Variants in NPAS3 observed in about 807,000 individuals in gnomAD.
The protein encoded by NPAS3 is neuronal PAS domain protein 3, also known as neuronal PAS domain-containing protein 3.
In NPAS3, 14 loss-of-function variants were observed where a neutral mutation model predicts 73.1. The observed-to-expected ratio is 0.19, with a 90% CI of 0.13 to 0.30. The LOEUF is 0.30. NPAS3 is among the 10% of genes least tolerant of loss of function. NPAS3 has a pLI of 1.00. For missense variants in NPAS3, 1,096 were observed against 1,250.0 expected, an observed-to-expected ratio of 0.88 and a Z score of 1.86; for synonymous variants, 620 against 541.5, an observed-to-expected ratio of 1.14 and a Z score of -2.01.
chr14:32,996,182 T>G (rs558392139), intron 1 of NPAS3, among the ~76,000 whole-genome samples: 30 of 152,290 alleles, frequency 2.0e-4, no homozygotes, highest in Non-Finnish European at 4.1e-4. Flanking sequence ...AATTTGAACT[T>G]GAAGGAGATG....
At position 33,769,767 on chromosome 14, in the gene NPAS3, T is replaced by C. The variant is rs963707488; in HGVS notation, c.853-4570T>C. 3.9e-4 allele frequency among the ~76,000 whole-genome samples: 52 copies of C among 133,726 alleles called. 2 individuals carry two copies. Among genetic ancestry groups the C allele is most frequent in the African/African-American group, 1.4e-3 (48 of 35,480 alleles). 87.7% of individuals were successfully genotyped at this position (133,726 alleles called of 152,430 possible). On this transcript the variant is annotated intron_variant, in intron 7 of 11. Transcript: ENST00000356141. ...TGGATTTTTTTTTTCTTTTTTTTTT[T>C]TTTTTTTTTTTTTTTGAGACAAGAT...
chr14:33,357,573 C>CTCTTCTT (rs2045394326), intron 3 of NPAS3, among the ~76,000 whole-genome samples: 2 of 152,176 alleles, frequency 1.3e-5, no homozygotes, highest in Non-Finnish European at 2.9e-5. Flanking sequence ...ATCTTTGGAC[C>CTCTTCTT]GGCCTCTGCT....
intron 5 of NPAS3, among the ~76,000 whole-genome samples, chr14:33,625,216 A>C (rs1376579226): frequency 6.6e-6 from 1 of 152,232 alleles, no homozygotes; most frequent in Non-Finnish European, 1.5e-5. Context: ...TGTTGTCTTG[A>C]CTAATTAAAA....
chr14:33,048,586 TA>T (rs1183350470), intron 1 of NPAS3, among the ~76,000 whole-genome samples: 1 of 152,170 alleles, frequency 6.6e-6, no homozygotes, highest in African/African-American at 2.4e-5. Context: ...TCACCACCAT[TA>T]ACAGGACAGT....
chr14:33,240,779 G>T (rs139157378), intron 3 of NPAS3, among the ~76,000 whole-genome samples: 1 of 151,824 alleles, frequency 6.6e-6, no homozygotes, highest in South Asian at 2.1e-4. Context: ...ACCTCTTAGG[G>T]ACTTAATATT....
intron 5 of NPAS3, among the ~76,000 whole-genome samples, chr14:33,615,400 G>A (rs1215062452): frequency 1.3e-5 from 2 of 152,144 alleles, no homozygotes; most frequent in African/African-American, 4.8e-5. Context: ...AGGTGGAAGG[G>A]CAGAACCGGA....
At chr14:33,570,928 G>A (rs1328655632) in intron 5 of NPAS3, among the ~76,000 whole-genome samples, 1 of 152,154 alleles carries the variant, frequency 6.6e-6, no homozygotes, top group Non-Finnish European at 1.5e-5. Flanking sequence ...TGAGCTGTTT[G>A]GGGGCATCAG....
intron 3 of NPAS3, among the ~76,000 whole-genome samples, chr14:33,249,094 G>A (rs1193905146): frequency 6.6e-6 from 1 of 151,968 alleles, no homozygotes; most frequent in African/African-American, 2.4e-5. Flanking sequence ...ACATGTCTGA[G>A]GAAATAAGTT....
intron 1 of NPAS3, among the ~76,000 whole-genome samples, chr14:33,036,830 A>G (rs1443789166): frequency 1.3e-5 from 2 of 152,220 alleles, no homozygotes; most frequent in East Asian, 3.8e-4. Context: ...TTACATTGGC[A>G]TATACTACTG....
At chr14:32,984,426 G>A (rs2139422235) in intron 1 of NPAS3, among the ~76,000 whole-genome samples, 1 of 152,188 alleles carries the variant, frequency 6.6e-6, no homozygotes, top group East Asian at 1.9e-4. Flanking sequence ...AAGTAAGAGG[G>A]AAAGAGATGA....
intron 3 of NPAS3, among the ~76,000 whole-genome samples, chr14:33,364,691 TTTCCTCAGAGC>T (rs2045757458): frequency 6.6e-6 from 1 of 152,098 alleles, no homozygotes; most frequent in South Asian, 2.1e-4. Context: ...GATGAAGACA[TTTCCTCAGAGC>T]ACAGCCTGAA....
intron 3 of NPAS3, among the ~76,000 whole-genome samples, chr14:33,329,492 CA>C (rs2043879142): frequency 6.6e-6 from 1 of 152,072 alleles, no homozygotes; most frequent in African/African-American, 2.4e-5. Flanking sequence ...AGTCTGGAGA[CA>C]AAGCAGCCGA....
At chr14:33,443,590 C>A (rs2049348663) in intron 4 of NPAS3, among the ~76,000 whole-genome samples, 1 of 152,166 alleles carries the variant, frequency 6.6e-6, no homozygotes, top group Non-Finnish European at 1.5e-5. Context: ...GAGAGGGGAC[C>A]AGTGGGCCAA....
chr14:32,997,256 A>G (rs2038616791), intron 1 of NPAS3, among the ~76,000 whole-genome samples: 1 of 152,106 alleles, frequency 6.6e-6, no homozygotes, highest in South Asian at 2.1e-4. Context: ...CTTGCTTTTG[A>G]TTTTACAGGC....
chr14:33,141,899 G>C (rs983819340), intron 2 of NPAS3, among the ~76,000 whole-genome samples: 6 of 152,160 alleles, frequency 3.9e-5, no homozygotes, highest in African/African-American at 1.2e-4. Context: ...GTGTGAGGAT[G>C]ACATCATTTC....
intron 2 of NPAS3, among the ~76,000 whole-genome samples, chr14:33,098,276 T>A (rs2042480943): frequency 6.6e-6 from 1 of 152,214 alleles, no homozygotes; most frequent in African/African-American, 2.4e-5. Context: ...ATCATATGTG[T>A]GCCTCCAATA....
intron 7 of NPAS3, among the ~76,000 whole-genome samples, chr14:33,752,750 T>A (rs1482123401): frequency 1.3e-5 from 2 of 152,206 alleles, no homozygotes; most frequent in African/African-American, 4.8e-5. Flanking sequence ...AAATTGTTTT[T>A]TAGTGCTTGC....
chr14:33,496,280 C>T (rs2052183274), intron 4 of NPAS3, among the ~76,000 whole-genome samples: 1 of 152,080 alleles, frequency 6.6e-6, no homozygotes, highest in African/African-American at 2.4e-5. Context: ...CAAAGAGGAG[C>T]TGGTACCATT....
intron 1 of NPAS3, among the ~76,000 whole-genome samples, chr14:33,020,669 G>T (rs578254995): frequency 2.0e-5 from 3 of 151,888 alleles, no homozygotes; most frequent in East Asian, 1.9e-4. Flanking sequence ...TTCCCAGCTC[G>T]CCTGCTTCTG....
Sources: allele counts gnomAD v4.1 joint callset (sites outside exome capture counted in the v4.1 genomes callset), GRCh38; gene constraint gnomAD v4.1.1; transcripts MANE v1.5; gene names NCBI Gene and HGNC (gene_info 2026-07-23, HGNC 2026-07-21).